The following TBL1X variants were observed in gnomAD, a reference collection of about 807,000 sequenced individuals.
TBL1X encodes F-box-like/WD repeat-containing protein TBL1X.
TBL1X carries 10 observed loss-of-function variants against 50.7 expected under a neutral mutation model. The observed-to-expected ratio is 0.20, with a 90% CI of 0.12 to 0.33. TBL1X has a LOEUF of 0.33. Among genes scored for constraint, TBL1X ranks in the 10% least tolerant of loss-of-function variants. The probability of loss-of-function intolerance (pLI) is 1.00; values close to 1 mark genes in which losing one functional copy is unlikely to be tolerated. For missense variants in TBL1X, 340 were observed against 504.4 expected (o/e 0.67, Z 3.12); for synonymous variants, 190 against 214.7 (o/e 0.88, Z 1.01).
intron 2 of TBL1X, among the ~76,000 whole-genome samples, chrX:9,543,100 G>A (rs965039136): frequency 6.2e-5 from 7 of 112,673 alleles, no homozygotes; most frequent in African/African-American, 2.3e-4. Context: ...AGAACAGCTT[G>A]AGACGCACAG....
chrX:9,538,242 G>A (rs770677669), intron 2 of TBL1X, among the ~76,000 whole-genome samples: 19 of 111,513 alleles, frequency 1.7e-4, no homozygotes, highest in African/African-American at 5.9e-4. Flanking sequence ...TCAAAAGCCC[G>A]GGTCTTAGTA....
chrX:9,504,411 A>T (rs1252049760), intron 2 of TBL1X, among the ~76,000 whole-genome samples: 1 of 112,159 alleles, frequency 8.9e-6, no homozygotes, highest in Non-Finnish European at 1.9e-5. Context: ...TGATTACAAC[A>T]TCTCTCCATC....
chrX:9,516,831 A>G (rs888372627), intron 2 of TBL1X, among the ~76,000 whole-genome samples: 1 of 112,094 alleles, frequency 8.9e-6, no homozygotes, highest in Non-Finnish European at 1.9e-5. Flanking sequence ...AGGTCATTTC[A>G]TATTTCCTGA....
At chrX:9,684,794 C>G (rs974548540) in intron 6 of TBL1X, among the ~76,000 whole-genome samples, 3 of 111,736 alleles carry the variant, frequency 2.7e-5, no homozygotes, top group Non-Finnish European at 5.6e-5. Context: ...GAAAAAGATA[C>G]GGCAGATCTT....
At chrX:9,695,423 G>A (rs751653399) in intron 11 of TBL1X, among the ~76,000 whole-genome samples, 2 of 112,697 alleles carry the variant, frequency 1.8e-5, no homozygotes, top group South Asian at 7.4e-4. Flanking sequence ...ACACATAAAC[G>A]TTCTCATGTA....
intron 17 of TBL1X, among the ~76,000 whole-genome samples, chrX:9,715,484 T>G (rs146440418): frequency 3.4e-3 from 377 of 112,003 alleles, no homozygotes; most frequent in African/African-American, 0.011. Flanking sequence ...GTGACCATAC[T>G]GATTCCTGTA....
intron 2 of TBL1X, among the ~76,000 whole-genome samples, chrX:9,634,968 G>A (rs140585483): frequency 0.013 from 1,463 of 111,470 alleles, 29 homozygotes; most frequent in African/African-American, 0.046. Flanking sequence ...CTGAAAGCCG[G>A]GAGTGCTGGC....
At chrX:9,585,333 C>CCG in intron 2 of TBL1X, among the ~76,000 whole-genome samples, 1 of 77,229 alleles carries the variant, frequency 1.3e-5, no homozygotes, top group African/African-American at 5.5e-5. Flanking sequence ...ATGCCACCCC[C>CCG]CTCCCCTCCC....
intron 2 of TBL1X, among the ~76,000 whole-genome samples, chrX:9,624,817 C>T (rs762055143): frequency 7.2e-5 from 8 of 111,689 alleles, no homozygotes; most frequent in Admixed American, 1.9e-4. Context: ...TACTTAGATA[C>T]GGAAGCTGCT....
At chrX:9,463,776 C>A (rs745953644), upstream of TBL1X, among the ~76,000 whole-genome samples, 1 of 112,230 alleles carries the variant, frequency 8.9e-6, no homozygotes, top group Non-Finnish European at 1.9e-5. Context: ...CGCCTGTAAT[C>A]CCAGCTACTC....
chrX:9,716,381 C>T lies in TBL1X; in HGVS notation c.*135C>T, dbSNP rs902861286. The T allele has an allele frequency of 1.1e-5, 7 of 645,123 alleles. No individual in the cohort carries two copies. In the African/African-American group the frequency reaches 1.1e-4, roughly 10 times the overall value. The allele number at this position is 645,123 out of a possible 1,213,427, so 53.2% of individuals were successfully genotyped here. A position where few individuals can be genotyped will look rare whatever the true frequency, so the allele number is the denominator to read the frequency against. On this transcript the variant is annotated 3_prime_UTR_variant, in exon 18 of 18. Transcript: ENST00000645353. ...ACTCTGAAACCAACTCGTCTCTGGCCGCAGGAGTCTATATGTTTTCGTAAT... is the reference window on the plus strand; with the variant it reads ...ACTCTGAAACCAACTCGTCTCTGGCTGCAGGAGTCTATATGTTTTCGTAAT...
At chrX:9,481,628 A>G (rs1468531707) in intron 1 of TBL1X, among the ~76,000 whole-genome samples, 2 of 112,178 alleles carry the variant, frequency 1.8e-5, no homozygotes, top group Non-Finnish European at 1.9e-5. Flanking sequence ...GAGCCAATAA[A>G]AGCCCCTTGG....
Position 9,666,963 on chromosome X carries a change from C to G in TBL1X, c.211+12641C>G, listed in dbSNP as rs150199133. Among the ~76,000 whole-genome samples, 242 of 111,810 alleles carry G rather than the reference C, an allele frequency of 2.2e-3. 3 individuals are homozygous for G. Among genetic ancestry groups the G allele is most frequent in the African/African-American group, 7.4e-3 (229 of 30,775 alleles). On this transcript the variant is annotated intron_variant, in intron 5 of 17. Coordinates refer to ENST00000645353, the MANE Select transcript of TBL1X (RefSeq NM_005647.4). ...TTTGTTAAAGGGAAGGTAATGTTGTCTAGTTCAGGGGATTTTAAGGATCGT... is the reference window on the plus strand; with the variant it reads ...TTTGTTAAAGGGAAGGTAATGTTGTGTAGTTCAGGGGATTTTAAGGATCGT...
At chrX:9,491,516 A>C (rs1376891315) in intron 1 of TBL1X, among the ~76,000 whole-genome samples, 2 of 105,956 alleles carry the variant, frequency 1.9e-5, no homozygotes, top group Non-Finnish European at 3.9e-5. Context: ...AGTGGCCAGT[A>C]AGTTCTTAAT....
chrX:9,646,006 T>A (rs745451910), intron 3 of TBL1X, among the ~76,000 whole-genome samples: 1 of 112,715 alleles, frequency 8.9e-6, no homozygotes, highest in South Asian at 3.7e-4. Context: ...CGCTGGGATT[T>A]AAGTTGGTTA....
chrX:9,604,637 G>A (rs1293803084), intron 2 of TBL1X, among the ~76,000 whole-genome samples: 1 of 111,128 alleles, frequency 9.0e-6, no homozygotes, highest in African/African-American at 3.3e-5. Flanking sequence ...CACTGGGTGC[G>A]CGTGGGCTTC....
intron 2 of TBL1X, among the ~76,000 whole-genome samples, chrX:9,505,432 A>C (rs1396269928): frequency 8.9e-6 from 1 of 112,241 alleles, no homozygotes; most frequent in East Asian, 2.8e-4. Context: ...GACAGGATCA[A>C]ATTCACACAT....
rs764325829 is a variant in TBL1X, at chrX:9,553,733, CAA to C, written c.-131+51886_-131+51887del. On this transcript the variant is annotated intron_variant, in intron 2 of 17. Transcript: ENST00000645353. ...GTGATTTATGCTAAGCATAAATGAC[CAA>C]AGTTGACTGTGGTTTTTTGAAGAAC... 5.4e-5 allele frequency among the ~76,000 whole-genome samples: 6 copies of C among 111,371 alleles called. No homozygotes were observed. In the East Asian group the frequency reaches 1.1e-3, roughly 21 times the overall value.
At chrX:9,549,802 G>A (rs1011847322) in intron 2 of TBL1X, among the ~76,000 whole-genome samples, 2 of 111,601 alleles carry the variant, frequency 1.8e-5, no homozygotes, top group East Asian at 2.8e-4. Context: ...CTGTTTCTTC[G>A]GGGATAGGAG....
Sources: gnomAD v4.1 joint callset for allele counts (sites outside exome capture counted in the v4.1 genomes callset) on GRCh38, gnomAD v4.1.1 for gene constraint, MANE v1.5 for transcripts, NCBI Gene and HGNC (gene_info 2026-07-23, HGNC 2026-07-21) for gene names.